FAM227B: variants seen among roughly 807,000 people sequenced by gnomAD.
The protein encoded by FAM227B is family with sequence similarity 227 member B.
FAM227B carries 88 observed loss-of-function variants against 73.8 expected under a neutral mutation model. The observed-to-expected ratio is 1.19, with a 90% CI of 1.00 to 1.42. The LOEUF is 1.42. FAM227B is among the 40% of genes most tolerant of loss of function. The probability of loss-of-function intolerance (pLI) is 0.00; values close to 1 mark genes in which losing one functional copy is unlikely to be tolerated. For missense variants in FAM227B, 632 were observed against 590.9 expected (o/e 1.07, Z -0.72); for synonymous variants, 210 against 190.5 (o/e 1.10, Z -0.84).
In FAM227B at chr15:49,419,431, T is replaced by C. The variant is rs2049439947; in HGVS notation, c.1013-48032A>G. Among the ~76,000 whole-genome samples, 9 of 152,338 alleles carry C rather than the reference T, an allele frequency of 5.9e-5. No individual in the cohort carries two copies. The South Asian group carries it at 1.9e-3, about 32-fold the overall frequency. On this transcript the variant is annotated intron_variant, in intron 11 of 15. Coordinates refer to ENST00000299338, the MANE Select transcript of FAM227B (RefSeq NM_152647.3). The stretch of plus-strand genomic sequence containing the variant: ...TAGTCAGGAAGCATTTATGACTTTT[T>C]TCCCTCAACCTTTCCTTTCCAATAT...
Position 49,340,282 on chromosome 15 carries a change from G to A in FAM227B, c.1272-4786C>T, listed in dbSNP as rs568990627. Among the ~76,000 whole-genome samples, 105 of 152,252 alleles carry A rather than the reference G, an allele frequency of 6.9e-4. 3 individuals carry two copies. The South Asian group carries it at 0.02, about 29-fold the overall frequency. On this transcript the variant is annotated intron_variant, in intron 13 of 15. Transcript: ENST00000299338. ...AGGGGATTCCTGGTCTGCAGGTTGC[G>A]AAGACCATGGGAAAAGCGCAGTATC... is the stretch of plus-strand genomic sequence containing the variant.
chr15:49,413,987 A>G (rs990995254), intron 11 of FAM227B, among the ~76,000 whole-genome samples: 1 of 151,990 alleles, frequency 6.6e-6, no homozygotes, highest in Non-Finnish European at 1.5e-5. Flanking sequence ...AAATGATACC[A>G]TAGTAACCTA....
intron 13 of FAM227B, among the ~76,000 whole-genome samples, chr15:49,336,780 G>A (rs2151187204): frequency 6.6e-6 from 1 of 152,314 alleles, no homozygotes; most frequent in Admixed American, 6.5e-5. Flanking sequence ...CGATATTGAG[G>A]TTTGGGGTCT....
At chr15:49,533,483 T>C (rs1490453169) in intron 10 of FAM227B, among the ~76,000 whole-genome samples, 1 of 151,896 alleles carries the variant, frequency 6.6e-6, no homozygotes, top group Non-Finnish European at 1.5e-5. Flanking sequence ...TAGTCTCCTA[T>C]TATTATTGCT....
chr15:49,519,686 T>A (rs749664260), intron 10 of FAM227B, among the ~76,000 whole-genome samples: 20 of 152,164 alleles, frequency 1.3e-4, no homozygotes, highest in Non-Finnish European at 2.4e-4. Flanking sequence ...AGCAAGGCCC[T>A]GGACCCAGCC....
chr15:49,519,406 C>T (rs781665245), intron 10 of FAM227B, among the ~76,000 whole-genome samples: 3 of 152,220 alleles, frequency 2.0e-5, no homozygotes, highest in Non-Finnish European at 4.4e-5. Context: ...TTCCCTTTCA[C>T]ACTGCCCTTG....
chr15:49,424,209 T>C lies in FAM227B; in HGVS notation c.1013-52810A>G, dbSNP rs575704696. 6.1e-6 allele frequency: 7 copies of C among 1,154,668 alleles called. No individual in the cohort carries two copies. In the East Asian group the frequency reaches 1.4e-4, roughly 23 times the overall value. 71.5% of individuals were successfully genotyped at this position (1,154,668 alleles called of 1,614,324 possible). A position where few individuals can be genotyped will look rare whatever the true frequency, so the allele number is the denominator to read the frequency against. ...CTTAAATCAATCTACAATTCACAGATAGGAAGAGGTCAATGACCTAGGAGT... is the reference window on the plus strand; with the variant it reads ...CTTAAATCAATCTACAATTCACAGACAGGAAGAGGTCAATGACCTAGGAGT... On this transcript the variant is annotated intron_variant, in intron 11 of 15. Coordinates refer to ENST00000299338, the MANE Select transcript of FAM227B (RefSeq NM_152647.3).
chr15:49,409,683 A>AC (rs1374129142), intron 11 of FAM227B, among the ~76,000 whole-genome samples: 2 of 152,088 alleles, frequency 1.3e-5, no homozygotes, highest in African/African-American at 2.4e-5. Flanking sequence ...CTCTCGTTTA[A>AC]CTTTCTAGCA....
chr15:49,449,381 T>C (rs374605125), intron 11 of FAM227B, among the ~76,000 whole-genome samples: 1 of 152,072 alleles, frequency 6.6e-6, no homozygotes, highest in African/African-American at 2.4e-5. Flanking sequence ...AAGACAGTTA[T>C]ATTTCTATTT....
intron 11 of FAM227B, among the ~76,000 whole-genome samples, chr15:49,412,414 A>T (rs889298298): frequency 2.0e-5 from 3 of 152,090 alleles, no homozygotes; most frequent in Admixed American, 6.6e-5. Context: ...AGCTTTCAGG[A>T]ATATGAAAGC....
intron 11 of FAM227B, chr15:49,422,573 A>G: frequency 7.8e-7 from 1 of 1,287,628 alleles, no homozygotes; most frequent in Non-Finnish European, 1.0e-6. Context: ...AGAATTGTAA[A>G]GCACCATAGA....
intron 11 of FAM227B, among the ~76,000 whole-genome samples, chr15:49,413,239 T>A (rs2048988468): frequency 6.6e-6 from 1 of 152,090 alleles, no homozygotes; most frequent in African/African-American, 2.4e-5. Context: ...GCCTCCATAC[T>A]GTTCTCATGG....
intron 9 of FAM227B, among the ~76,000 whole-genome samples, chr15:49,545,081 A>G (rs1211186609): frequency 6.6e-6 from 1 of 152,012 alleles, no homozygotes; most frequent in African/African-American, 2.4e-5. Context: ...ATTGGTACCA[A>G]TTCTTCTTTA....
intron 11 of FAM227B, among the ~76,000 whole-genome samples, chr15:49,496,669 C>T (rs146430758): frequency 4.5e-4 from 69 of 152,198 alleles, no homozygotes; most frequent in African/African-American, 1.6e-3. Context: ...AGAAAGTCCT[C>T]TTTGTAAAAT....
chr15:49,487,753 T>A (rs2152038708), intron 11 of FAM227B: 1 of 152,102 alleles, frequency 6.6e-6, no homozygotes, highest in South Asian at 2.1e-4. Flanking sequence ...ATTTCTTTTC[T>A]CTTAAGACTC....
intron 11 of FAM227B, among the ~76,000 whole-genome samples, chr15:49,408,434 G>T (rs1193569737): frequency 3.9e-5 from 6 of 152,116 alleles, no homozygotes; most frequent in Admixed American, 3.9e-4. Context: ...CTTAGCCATT[G>T]GTGGGTCATT....
chr15:49,444,554 T>C (rs2413944), intron 11 of FAM227B, among the ~76,000 whole-genome samples: 138,465 of 151,662 alleles, frequency 0.91, 64,562 homozygotes, highest in East Asian at 1. Context: ...AGTTAAAACG[T>C]TATGTGTGTG....
At chr15:49,505,396 T>G (rs371441147) in intron 11 of FAM227B, among the ~76,000 whole-genome samples, 13 of 152,126 alleles carry the variant, frequency 8.5e-5, no homozygotes, top group African/African-American at 2.7e-4. Flanking sequence ...CAATTTATTG[T>G]ACACCAATTA....
intron 11 of FAM227B, among the ~76,000 whole-genome samples, chr15:49,498,950 A>C (rs2057877176): frequency 6.6e-6 from 1 of 151,908 alleles, no homozygotes. Context: ...GCGGATCACG[A>C]GGTCAGGAGA....
Sources: allele counts gnomAD v4.1 joint callset (sites outside exome capture counted in the v4.1 genomes callset), GRCh38; gene constraint gnomAD v4.1.1; transcripts MANE v1.5; gene names NCBI Gene and HGNC (gene_info 2026-07-23, HGNC 2026-07-21).